The following TRNT1 variants were observed in gnomAD, a reference collection of about 807,000 sequenced individuals.
TRNT1 encodes the protein tRNA nucleotidyl transferase 1.
In TRNT1, 44 loss-of-function variants were observed where a neutral mutation model predicts 45.6. The observed-to-expected ratio is 0.97, with a 90% CI of 0.76 to 1.24. The LOEUF (loss-of-function observed/expected upper bound fraction) is 1.24, where lower values mean the gene tolerates loss of function less well. TRNT1 is among the 50% of genes most tolerant of loss of function. The probability of loss-of-function intolerance (pLI) is 0.00; values close to 1 mark genes in which losing one functional copy is unlikely to be tolerated. For missense variants in TRNT1, 633 were observed against 504.4 expected (o/e 1.25, Z -2.44); for synonymous variants, 201 against 171.4 (o/e 1.17, Z -1.35).
Position 3,147,504 on chromosome 3 carries a change from A to G in TRNT1, c.857A>G (p.Asp286Gly). The change falls in exon 7 of 8, where the codon GAT (aspartate) becomes GGT (glycine). Residue 286 changes from aspartate (D) to glycine (G), a missense_variant. By Grantham distance (94) the Asp-to-Gly change is moderately conservative. Transcript: ENST00000251607. ...EEFDKVSKNV[D>G]GFSPKPVTLL... ...TTTGACAAAGTCAGTAAAAATGTTG[A>G]TGGTTTTTCACCAAAGCCAGTGACT... 6.2e-7 allele frequency: 1 copy of G among 1,613,850 alleles called. No homozygotes were observed. The highest frequency in any genetic ancestry group is 1.7e-5 in the Admixed American group (1 of 60,014).
At chr3:3,141,708 A>G (rs887057294) in intron 4 of TRNT1, among the ~76,000 whole-genome samples, 4 of 152,234 alleles carry the variant, frequency 2.6e-5, no homozygotes, top group African/African-American at 9.6e-5. Context: ...TTAAAAAAGG[A>G]TGAAACATCC....
At chr3:3,150,446 C>G (rs1432012862), downstream of TRNT1, 1 of 170,866 alleles carries the variant, frequency 5.9e-6, no homozygotes, top group African/African-American at 2.4e-5. Context: ...ATTTAGAGCA[C>G]TGGTACAGAT....
At chr3:3,152,725 C>T, downstream of TRNT1, 1 of 1,044,110 alleles carries the variant, frequency 9.6e-7, no homozygotes, top group Non-Finnish European at 1.4e-6. Context: ...TATATAATAC[C>T]AGGATCTTAG....
chr3:3,127,620 T>C (rs1704670360), intron 1 of TRNT1: 1 of 152,406 alleles, frequency 6.6e-6, no homozygotes, highest in South Asian at 2.1e-4. Flanking sequence ...CAAAACTAAA[T>C]TCATGGGAAA....
At chr3:3,131,675 A>G (rs1262563282) in intron 2 of TRNT1, 1 of 108,458 alleles carries the variant, frequency 9.2e-6, no homozygotes, top group African/African-American at 3.0e-5. Flanking sequence ...GCCAGAATTG[A>G]CAAATGGGAT....
chr3:3,151,541 G>A (rs531768214), downstream of TRNT1, among the ~76,000 whole-genome samples: 18 of 152,222 alleles, frequency 1.2e-4, no homozygotes, highest in East Asian at 3.5e-3. Flanking sequence ...AATGCAACCA[G>A]AAATACAAAC....
chr3:3,150,824 A>G (rs1706478947), downstream of TRNT1: 2 of 1,564,666 alleles, frequency 1.3e-6, no homozygotes, highest in Admixed American at 1.8e-5. Flanking sequence ...ATCTTAGAAT[A>G]TAACCAATTT....
intron 6 of TRNT1, among the ~76,000 whole-genome samples, 185 bp downstream of exon 6, chr3:3,146,808 C>T (rs575332771): frequency 5.1e-4 from 77 of 152,216 alleles, no homozygotes; most frequent in African/African-American, 1.8e-3. Context: ...TCAAAGACAG[C>T]TTGTGGTGCT....
Position 3,148,327 on chromosome 3 carries a change from A to C in TRNT1, c.*173A>C, listed in dbSNP as rs1409469150. The C allele has an allele frequency of 8.0e-6, 5 of 624,620 alleles. No individual in the cohort carries two copies. The highest frequency in any genetic ancestry group is 1.3e-5 in the Non-Finnish European group (5 of 374,518). 38.7% of individuals were successfully genotyped at this position (624,620 alleles called of 1,614,324 possible). On this transcript the variant is annotated 3_prime_UTR_variant, in exon 8 of 8. Coordinates refer to ENST00000251607, the MANE Select transcript of TRNT1 (RefSeq NM_182916.3). ...TATTTCAAGAACTAAACAGAGATCC[A>C]CCTTTCTGGATCTGATTTATATCAC...
chr3:3,131,398 T>A (rs572407587), intron 2 of TRNT1: 49 of 152,332 alleles, frequency 3.2e-4, no homozygotes, highest in African/African-American at 1.2e-3. Context: ...AATAAGGTTC[T>A]AAATATTGAT....
At chr3:3,144,524 T>G in intron 4 of TRNT1, 60 bp from the exon 5 acceptor site, 2 of 1,486,068 alleles carry the variant, frequency 1.3e-6, no homozygotes, top group Non-Finnish European at 1.8e-6. Context: ...CTGATTTTCT[T>G]GTGTTTTCAA....
intron 3 of TRNT1, among the ~76,000 whole-genome samples, chr3:3,139,967 C>G (rs557671306): frequency 8.0e-4 from 122 of 152,222 alleles, no homozygotes; most frequent in Admixed American, 2.0e-3. Flanking sequence ...GAGCTCAAGT[C>G]ATCTGCCTGC....
Position 3,129,204 on chromosome 3 carries a change from A to G in TRNT1, c.148+16A>G, listed in dbSNP as rs758960534. The G allele has an allele frequency of 1.2e-6, 2 of 1,612,362 alleles. No individual in the cohort carries two copies. The highest frequency in any genetic ancestry group is 1.7e-6 in the Non-Finnish European group (2 of 1,178,952). On this transcript the variant is annotated intron_variant, in intron 2 of 7. Transcript: ENST00000251607. ...AGTCTGACAGGTGAGAGATTAGGAT[A>G]CCTTTTCTTGATTGGAAACCTATAT...
downstream of TRNT1, chr3:3,150,969 T>G (rs1706497573): frequency 1.9e-6 from 3 of 1,613,936 alleles, no homozygotes; most frequent in African/African-American, 2.7e-5. Context: ...TGAGGTGACA[T>G]GTCTTTTTTG....
chr3:3,146,904 A>T (rs1257728230), intron 6 of TRNT1, among the ~76,000 whole-genome samples: 1 of 152,180 alleles, frequency 6.6e-6, no homozygotes, highest in Non-Finnish European at 1.5e-5. Flanking sequence ...TTTCTAACCC[A>T]AAAAAGCGGT....
chr3:3,128,598 C>CA (rs111647168), intron 1 of TRNT1, among the ~76,000 whole-genome samples: 10,154 of 94,994 alleles, frequency 0.11, 1,031 homozygotes, highest in South Asian at 0.15. Flanking sequence ...GACTCCATCT[C>CA]AAAAAAAAAA....
At chr3:3,149,759 A>ACTC (rs538003335), downstream of TRNT1, 4 of 152,240 alleles carry the variant, frequency 2.6e-5, no homozygotes, top group East Asian at 7.7e-4. Context: ...GCAGTGTGAC[A>ACTC]CTCAACTGAT....
downstream of TRNT1, chr3:3,150,839 G>GGT: frequency 1.2e-6 from 1 of 866,496 alleles, no homozygotes; most frequent in East Asian, 2.5e-5. Context: ...CAATTTGTTA[G>GGT]ATAACTTTAT....
intron 3 of TRNT1, among the ~76,000 whole-genome samples, chr3:3,140,288 T>G (rs1705564712): frequency 1.4e-5 from 1 of 72,706 alleles, no homozygotes; most frequent in South Asian, 6.1e-4. Flanking sequence ...TTTTTAATCA[T>G]GATGGATTTT....
Sources: gnomAD v4.1 joint callset for allele counts (sites outside exome capture counted in the v4.1 genomes callset) on GRCh38, gnomAD v4.1.1 for gene constraint, MANE v1.5 for transcripts, NCBI Gene and HGNC (gene_info 2026-07-23, HGNC 2026-07-21) for gene names.